NAALADL2: variants seen among roughly 807,000 people sequenced by gnomAD.
NAALADL2 encodes inactive N-acetylated-alpha-linked acidic dipeptidase-like protein 2.
NAALADL2 carries 76 observed loss-of-function variants against 87.2 expected under a neutral mutation model. That is an observed-to-expected ratio of 0.87 (90% CI 0.72 to 1.05). The LOEUF is 1.05. NAALADL2 is among the 50% of genes least tolerant of loss of function. The probability of loss-of-function intolerance (pLI) is 0.00; values close to 1 mark genes in which losing one functional copy is unlikely to be tolerated. For synonymous variants in NAALADL2, 354 were observed against 331.0 expected (o/e 1.07, Z -0.75); for missense variants, 1,089 against 945.8 (o/e 1.15, Z -1.99).
intron 2 of NAALADL2, among the ~76,000 whole-genome samples, chr3:174,672,222 CT>C (rs1308943272): frequency 6.6e-6 from 1 of 151,992 alleles, no homozygotes; most frequent in Non-Finnish European, 1.5e-5. Context: ...CTTTGGTTCT[CT>C]ATACTTCATA....
chr3:174,450,890 AAAAG>A (rs1180049553), intron 1 of NAALADL2, among the ~76,000 whole-genome samples: 100 of 150,146 alleles, frequency 6.7e-4, no homozygotes, highest in South Asian at 2.3e-3. Context: ...AAAAAAAAAA[AAAAG>A]AAAGAAAGAA....
intron 5 of NAALADL2, among the ~76,000 whole-genome samples, chr3:175,349,425 G>C (rs531950181): frequency 1.2e-4 from 19 of 152,220 alleles, no homozygotes; most frequent in African/African-American, 3.9e-4. Context: ...AGAGTGTGCG[G>C]AGGGGGAAAT....
intron 2 of NAALADL2, among the ~76,000 whole-genome samples, chr3:174,638,035 A>G (rs971169449): frequency 1.1e-4 from 16 of 152,212 alleles, no homozygotes; most frequent in African/African-American, 3.6e-4. Flanking sequence ...CAATAGTAGC[A>G]TTTTCAAATA....
Position 175,190,179 on chromosome 3 carries a change from T to G in NAALADL2, c.546-43752T>G. On this transcript the variant is annotated intron_variant, in intron 2 of 13. Coordinates refer to ENST00000454872, the MANE Select transcript of NAALADL2 (RefSeq NM_207015.3). ...TATATATATATATTACATGAAAACT[T>G]CAGACTACAGAAACAAAAATAATTA... Among the ~76,000 whole-genome samples the G allele has an allele frequency of 1.3e-5, 2 of 151,722 alleles. 1 individual carries two copies. Among genetic ancestry groups the G allele is most frequent in the Non-Finnish European group, 2.9e-5 (2 of 67,924 alleles).
At chr3:175,793,865 A>G (rs1753131225) in intron 13 of NAALADL2, among the ~76,000 whole-genome samples, 1 of 152,204 alleles carries the variant, frequency 6.6e-6, no homozygotes, top group African/African-American at 2.4e-5. Context: ...GCTGTTCAGT[A>G]GAATAAGCGG....
rs375480684 is a variant in NAALADL2, at chr3:175,697,357, T to C, written c.1897-39949T>C. ...TGTAGGCCTTACTACCCCTTTTCTGTTGAACAACTACTTATAATGTGCTAG... is the reference window on the plus strand; with the variant it reads ...TGTAGGCCTTACTACCCCTTTTCTGCTGAACAACTACTTATAATGTGCTAG... On this transcript the variant is annotated intron_variant, in intron 11 of 13. Coordinates refer to ENST00000454872, the MANE Select transcript of NAALADL2 (RefSeq NM_207015.3). 9.9e-5 allele frequency among the ~76,000 whole-genome samples: 15 copies of C among 151,342 alleles called. No homozygotes were observed. In the East Asian group the frequency reaches 1.5e-3, roughly 16 times the overall value.
chr3:175,435,514 A>G (rs1718479530), intron 5 of NAALADL2, among the ~76,000 whole-genome samples: 1 of 152,094 alleles, frequency 6.6e-6, no homozygotes, highest in Non-Finnish European at 1.5e-5. Context: ...AAACATTTTA[A>G]CATAATAATA....
chr3:175,049,391 G>A (rs1316670483), intron 1 of NAALADL2, among the ~76,000 whole-genome samples: 1 of 152,154 alleles, frequency 6.6e-6, no homozygotes, highest in Admixed American at 6.5e-5. Flanking sequence ...TGAAACCAGG[G>A]AAAGTAAAAC....
chr3:175,405,536 G>C (rs1431117056), intron 5 of NAALADL2, among the ~76,000 whole-genome samples: 2 of 152,038 alleles, frequency 1.3e-5, no homozygotes, highest in Non-Finnish European at 2.9e-5. Context: ...AAACTTTGCA[G>C]ACTTTCTTTT....
Position 175,600,183 on chromosome 3 carries a change from T to A in NAALADL2, c.1800+23996T>A, listed in dbSNP as rs939807499. Among the ~76,000 whole-genome samples, 7 of 151,920 alleles carry A rather than the reference T, an allele frequency of 4.6e-5. No individual in the cohort carries two copies. In the South Asian group the frequency reaches 1.4e-3, roughly 31 times the overall value. ...CACTTGATATATAATCAAATCAGTA[T>A]ATATATCTAACATATATATGTATAT... On this transcript the variant is annotated intron_variant, in intron 10 of 13. Coordinates refer to ENST00000454872, the MANE Select transcript of NAALADL2 (RefSeq NM_207015.3).
At chr3:175,097,611 T>A (rs1338450007) in intron 2 of NAALADL2, among the ~76,000 whole-genome samples, 1 of 152,122 alleles carries the variant, frequency 6.6e-6, no homozygotes, top group African/African-American at 2.4e-5. Context: ...GATTGCCAGA[T>A]ATACAGGTAA....
chr3:174,924,406 G>A (rs561849544), intron 1 of NAALADL2, among the ~76,000 whole-genome samples: 126 of 151,890 alleles, frequency 8.3e-4, no homozygotes, highest in African/African-American at 2.9e-3. Context: ...CTTTTTTATG[G>A]CTGCATAGTA....
intron 5 of NAALADL2, among the ~76,000 whole-genome samples, chr3:175,382,857 G>A (rs1246560786): frequency 3.3e-5 from 5 of 151,810 alleles, no homozygotes; most frequent in Non-Finnish European, 2.9e-5. Flanking sequence ...AAAATAAGAG[G>A]AATGTACATT....
At chr3:174,858,110 TAAA>T (rs59935231), upstream of NAALADL2, among the ~76,000 whole-genome samples, 47,837 of 147,912 alleles carry the variant, frequency 0.32, 7,930 homozygotes, top group East Asian at 0.42. Flanking sequence ...TGCAGACTAA[TAAA>T]AATGTTTTTA....
At chr3:175,329,332 A>G (rs1581445004) in intron 5 of NAALADL2, among the ~76,000 whole-genome samples, 1 of 152,190 alleles carries the variant, frequency 6.6e-6, no homozygotes, top group African/African-American at 2.4e-5. Flanking sequence ...TAATATTCCC[A>G]GTGTTACAAT....
chr3:175,016,365 T>C (rs1402853518), intron 1 of NAALADL2, among the ~76,000 whole-genome samples: 1 of 150,904 alleles, frequency 6.6e-6, no homozygotes, highest in African/African-American at 2.4e-5. Flanking sequence ...AACAGTAGCA[T>C]ATCTATTGAC....
intron 9 of NAALADL2, among the ~76,000 whole-genome samples, chr3:175,564,137 A>AT (rs532863039): frequency 1.3e-5 from 2 of 151,450 alleles, no homozygotes; most frequent in Admixed American, 6.6e-5. Flanking sequence ...GCATTTTTCA[A>AT]TTTTTTTTCT....
intron 11 of NAALADL2, among the ~76,000 whole-genome samples, chr3:175,716,152 TA>T (rs1561024438): frequency 1.4e-5 from 2 of 146,654 alleles, no homozygotes; most frequent in African/African-American, 5.0e-5. Flanking sequence ...ACATGTTATA[TA>T]TAATATATAA....
intron 13 of NAALADL2, among the ~76,000 whole-genome samples, chr3:175,764,563 C>A (rs1005010820): frequency 2.6e-5 from 4 of 151,020 alleles, no homozygotes; most frequent in Admixed American, 2.0e-4. Context: ...TGTTAGCATC[C>A]TTGAAAGCAG....
Sources: gnomAD v4.1 joint callset for allele counts (sites outside exome capture counted in the v4.1 genomes callset) on GRCh38, gnomAD v4.1.1 for gene constraint, MANE v1.5 for transcripts, NCBI Gene and HGNC (gene_info 2026-07-23, HGNC 2026-07-21) for gene names.